MGAT4B: variants seen among roughly 807,000 people sequenced by gnomAD.
The protein encoded by MGAT4B is alpha-1,3-mannosyl-glycoprotein 4-beta-N-acetylglucosaminyltransferase B, also known as N-acetylglucosaminyltransferase IVb.
A neutral mutation model predicts 73.9 loss-of-function variants in MGAT4B; 38 were observed. That is an observed-to-expected ratio of 0.51 (90% CI 0.40 to 0.67). MGAT4B has a LOEUF of 0.67. Ranked by LOEUF, MGAT4B falls within the 30% of genes least tolerant of loss-of-function variation. MGAT4B has a pLI of 0.00. For synonymous variants in MGAT4B, 373 were observed against 313.5 expected (o/e 1.19, Z -2.01); for missense variants, 686 against 735.2 (o/e 0.93, Z 0.77).
rs1030823676 is a variant in MGAT4B, at chr5:179,800,787, G to A, written c.605+120C>T. 4.2e-6 allele frequency: 5 copies of A among 1,181,724 alleles called. No homozygotes were observed. In the Admixed American group the frequency reaches 1.1e-4, roughly 26 times the overall value. 73.2% of individuals were successfully genotyped at this position (1,181,724 alleles called of 1,614,324 possible). On this transcript the variant is annotated intron_variant, in intron 5 of 14. Transcript: ENST00000292591. ...CTGCACACCCACCCCTCCCCCACCAGGTCCCTGCCTCCCCACGAGATAGGA... is the reference window on the plus strand; with the variant it reads ...CTGCACACCCACCCCTCCCCCACCAAGTCCCTGCCTCCCCACGAGATAGGA...
Position 179,801,373 on chromosome 5 carries a change from C to G in MGAT4B, c.519G>C (p.Gln173His), listed in dbSNP as rs1756917888. Residue 173 changes from glutamine to histidine, a missense_variant, in exon 4 of 15, where the codon CAG becomes CAC. This residue lies in a region of MGAT4B where 449 missense variants were observed against 536.8 expected (regional missense o/e 0.84). Coordinates refer to ENST00000292591, the MANE Select transcript of MGAT4B (RefSeq NM_014275.5). This position sits in a 1 kb window ranked among gnomAD's most constrained non-coding sequence, Gnocchi z 4.8. ...CCACGATGACCGAGTCCTCCTTCTC[C>G]TGCGGGCTCAGCTCGGAGATGAGCG... ...LHSLISELSP[Q>H]EKEDSVIVVL... 1.2e-6 allele frequency: 2 copies of G among 1,612,726 alleles called. No homozygotes were observed. Among genetic ancestry groups the G allele is most frequent in the East Asian group, 4.5e-5 (2 of 44,850 alleles).
chr5:179,798,748 C>A, intron 11 of MGAT4B, 157 bp from the exon 12 acceptor site: 1 of 1,083,130 alleles, frequency 9.2e-7, no homozygotes, highest in Non-Finnish European at 1.3e-6. Context: ...AGGATGGTGA[C>A]AGGAAACATC....
intron 1 of MGAT4B, chr5:179,804,884 C>T (rs2450483): frequency 0.049 from 7,527 of 152,292 alleles, 629 homozygotes; most frequent in African/African-American, 0.17. Context: ...ACTGGGTCAC[C>T]ACAGAAACAG....
Position 179,798,956 on chromosome 5 carries a change from G to A in MGAT4B, c.1315C>T (p.Arg439Cys), listed in dbSNP as rs1756782077. 13 of 1,613,528 alleles carry A rather than the reference G, an allele frequency of 8.1e-6. No individual in the cohort carries two copies. The highest frequency in any genetic ancestry group is 1.1e-5 in the Non-Finnish European group (13 of 1,180,032). The change falls in exon 11 of 15, where the codon CGC (arginine) becomes TGC (cysteine). Residue 439 changes from arginine (R) to cysteine (C), a missense_variant. Around this residue, in one of 2 missense-constraint regions of MGAT4B, gnomAD observed 449 missense variants for 536.8 expected, o/e 0.84. Coordinates refer to ENST00000292591, the MANE Select transcript of MGAT4B (RefSeq NM_014275.5). ...TCCAGTCTTAGAGGTTGGAAGAAGCGGAAGCGGATGAAGTCCCCCGCGGCA... is the reference window on the plus strand; with the variant it reads ...TCCAGTCTTAGAGGTTGGAAGAAGCAGAAGCGGATGAAGTCCCCCGCGGCA... ...TPAAGDFIRF[R>C]FFQPLRLERF...
At position 179,806,534 on chromosome 5, in the gene MGAT4B, C is replaced by T; in HGVS notation, c.50G>A (p.Cys17Tyr). The change falls in exon 1 of 15, where the codon TGC (cysteine) becomes TAC (tyrosine). Residue 17 changes from cysteine (C) to tyrosine (Y), a missense_variant. Transcript: ENST00000292591. This position sits in a 1 kb window ranked among gnomAD's most constrained non-coding sequence, Gnocchi z 4.6. ...GTACCAGGACAGCGAGAGGAAGGCG[C>T]ACAGGCAGAAGAGCAGCAGCGTCAG... ...TFLTLLLFCL[C>Y]AFLSLSWYAA... 2.2e-6 allele frequency: 3 copies of T among 1,339,000 alleles called. No homozygotes were observed. The highest frequency in any genetic ancestry group is 4.3e-5 in the East Asian group (1 of 23,468). 82.9% of individuals were successfully genotyped at this position (1,339,000 alleles called of 1,614,324 possible).
chr5:179,806,485 A>T lies in MGAT4B; in HGVS notation c.97+2T>A. ...TGCGGGCCGGGCGGGGGTCGCGCTC[A>T]CCTTTCTGGCCGCTGAGTGCCGCGT... On this transcript the variant is annotated splice_donor_variant, in intron 1 of 14. Coordinates refer to ENST00000292591, the MANE Select transcript of MGAT4B (RefSeq NM_014275.5). LOFTEE classifies it high-confidence loss of function. The surrounding 1 kb of genome is among the most constrained non-coding windows in gnomAD (Gnocchi z 4.6). The T allele has an allele frequency of 7.7e-7, 1 of 1,290,982 alleles. No homozygotes were observed. The allele number at this position is 1,290,982 out of a possible 1,614,324, so 80.0% of individuals were successfully genotyped here.
In MGAT4B at chr5:179,806,524, G is replaced by A. The variant is rs1239857486; in HGVS notation, c.60C>T (p.Leu20=). ...TGAGTGCCGCGTACCAGGACAGCGAGAGGAAGGCGCACAGGCAGAAGAGCA... is the reference window on the plus strand; with the variant it reads ...TGAGTGCCGCGTACCAGGACAGCGAAAGGAAGGCGCACAGGCAGAAGAGCA... ...TLLLFCLCAF[L]SLSWYAALSG... is the part of the protein sequence containing the mutation. Residue 20 remains leucine (L), a synonymous_variant, in exon 1 of 15, where the codon CTC becomes CTT. Coordinates refer to ENST00000292591, the MANE Select transcript of MGAT4B (RefSeq NM_014275.5). The surrounding 1 kb of genome is among the most constrained non-coding windows in gnomAD (Gnocchi z 4.6). 1 of 1,340,142 alleles carries A rather than the reference G, an allele frequency of 7.5e-7. No homozygotes were observed. The highest frequency in any genetic ancestry group is 9.8e-7 in the Non-Finnish European group (1 of 1,020,578). The allele number at this position is 1,340,142 out of a possible 1,614,324, so 83.0% of individuals were successfully genotyped here.
In MGAT4B at chr5:179,801,310, A is replaced by C. The variant is rs749385424; in HGVS notation, c.558+24T>G. 34 of 1,596,402 alleles carry C rather than the reference A, an allele frequency of 2.1e-5. No individual in the cohort carries two copies. The highest frequency in any genetic ancestry group is 3.3e-4 in the Middle Eastern group (2 of 6,014). On this transcript the variant is annotated intron_variant, in intron 4 of 14. Transcript: ENST00000292591. This position sits in a 1 kb window ranked among gnomAD's most constrained non-coding sequence, Gnocchi z 4.8. ...GCGGGGGCTCCTCTGAATGTCCCCC[A>C]ACCCCGCGTCCCGGCTCACTCGCCT...
chr5:179,798,421 T>A lies in MGAT4B; in HGVS notation c.1436A>T (p.Asp479Val). 1 of 1,612,584 alleles carries A rather than the reference T, an allele frequency of 6.2e-7. No homozygotes were observed. Among genetic ancestry groups the A allele is most frequent in the Non-Finnish European group, 8.5e-7 (1 of 1,179,784 alleles). The change falls in exon 13 of 15, where the codon GAC (aspartate) becomes GTC (valine). Residue 479 changes from aspartate to valine, a missense_variant. Transcript: ENST00000292591. ...EVLPFDNPQS[D>V]KEALQEGRTA... ...GCGGCCCTCCTGCAGGGCCTCCTTG[T>A]CTGACTGAGGGTTCTGGGGGCAGAA... is the stretch of plus-strand genomic sequence containing the variant.
At position 179,806,578 on chromosome 5, in the gene MGAT4B, C is replaced by T; in HGVS notation, c.6G>A (p.Arg2=). The change falls in exon 1 of 15, where the codon AGG becomes AGA. Residue 2 remains arginine (R), a synonymous_variant. Coordinates refer to ENST00000292591, the MANE Select transcript of MGAT4B (RefSeq NM_014275.5). The surrounding 1 kb of genome is among the most constrained non-coding windows in gnomAD (Gnocchi z 4.6). The stretch of plus-strand genomic sequence containing the variant: ...GCGTCAGGAAGGTGCCATTGCGGAG[C>T]CTCATCTCCTCGGGTGCGCGGCGGG... M[R]LRNGTFLTLL... 1 of 1,279,350 alleles carries T rather than the reference C, an allele frequency of 7.8e-7. No individual in the cohort carries two copies. The highest frequency in any genetic ancestry group is 1.6e-5 in the South Asian group (1 of 64,170). 79.2% of individuals were successfully genotyped at this position (1,279,350 alleles called of 1,614,324 possible). A position where few individuals can be genotyped will look rare whatever the true frequency, so the allele number is the denominator to read the frequency against.
chr5:179,798,034 A>C lies in MGAT4B; in HGVS notation c.*11T>G, dbSNP rs1198991024. 2 of 1,606,452 alleles carry C rather than the reference A, an allele frequency of 1.2e-6. No homozygotes were observed. The highest frequency in any genetic ancestry group is 2.2e-5 in the South Asian group (2 of 89,818). On this transcript the variant is annotated 3_prime_UTR_variant, in exon 15 of 15. Coordinates refer to ENST00000292591, the MANE Select transcript of MGAT4B (RefSeq NM_014275.5). ...AGGGCTGGCCACAGGGTACCCTCAG[A>C]AGCCCGCAGCTTAGTCGGCCTTTTT...
Position 179,801,139 on chromosome 5 carries a change from TA to T in MGAT4B, c.559-187del, listed in dbSNP as rs2113431420. ...CTTTGGGACTCGCATGGCCAAGGAC[TA>T]GGGGGTGGCGGGGGCGATGGGTAGG... On this transcript the variant is annotated intron_variant, in intron 4 of 14. Coordinates refer to ENST00000292591, the MANE Select transcript of MGAT4B (RefSeq NM_014275.5). This position sits in a 1 kb window ranked among gnomAD's most constrained non-coding sequence, Gnocchi z 4.8. 8.8e-7 allele frequency: 1 copy of T among 1,139,300 alleles called. No individual in the cohort carries two copies. Among genetic ancestry groups the T allele is most frequent in the Non-Finnish European group, 1.2e-6 (1 of 814,990 alleles). 70.6% of individuals were successfully genotyped at this position (1,139,300 alleles called of 1,614,324 possible). A position where few individuals can be genotyped will look rare whatever the true frequency, so the allele number is the denominator to read the frequency against.
Position 179,799,611 on chromosome 5 carries a change from C to T in MGAT4B, c.936G>A (p.Leu312=). The T allele has an allele frequency of 6.2e-7, 1 of 1,613,848 alleles. No individual in the cohort carries two copies. The highest frequency in any genetic ancestry group is 8.5e-7 in the Non-Finnish European group (1 of 1,180,034). ...TGAGAATGAACTCTACAATCAGGCTCAGGTCCAGCGACTTGAACATCTTAC... is the reference window on the plus strand; with the variant it reads ...TGAGAATGAACTCTACAATCAGGCTTAGGTCCAGCGACTTGAACATCTTAC... The part of the protein sequence containing the change: ...FIGKMFKSLD[L]SLIVEFILMF... Residue 312 remains leucine, a synonymous_variant, in exon 9 of 15, where the codon CTG becomes CTA. Transcript: ENST00000292591.
chr5:179,798,505 G>T lies in MGAT4B; in HGVS notation c.1422+8C>A, dbSNP rs771494011. The T allele has an allele frequency of 1.2e-6, 2 of 1,613,458 alleles. No homozygotes were observed. The highest frequency in any genetic ancestry group is 1.7e-6 in the Non-Finnish European group (2 of 1,180,000). On this transcript the variant is annotated splice_region_variant and intron_variant, in intron 12 of 14. Coordinates refer to ENST00000292591, the MANE Select transcript of MGAT4B (RefSeq NM_014275.5). The stretch of plus-strand genomic sequence containing the variant: ...GGCTTCAGTGCACACCACACCCACC[G>T]AACTTACGTCGAAGGGCAGCACCTC...
intron 1 of MGAT4B, chr5:179,802,549 T>C: frequency 2.0e-6 from 2 of 1,000,172 alleles, no homozygotes; most frequent in Non-Finnish European, 2.4e-6. Flanking sequence ...GCCCTGGGGC[T>C]GCTCAAGGAC....
chr5:179,801,179 A>G lies in MGAT4B; in HGVS notation c.558+155T>C, dbSNP rs1177816091. Among the ~76,000 whole-genome samples the G allele has an allele frequency of 1.3e-5, 2 of 152,104 alleles. No homozygotes were observed. Among genetic ancestry groups the G allele is most frequent in the Non-Finnish European group, 2.9e-5 (2 of 68,002 alleles). ...GCGATGGGTAGGGGTAGAGGGTGCC[A>G]GAAAGCCCTTTCAACTTTCTATCTC... On this transcript the variant is annotated intron_variant, in intron 4 of 14. Transcript: ENST00000292591. The surrounding 1 kb of genome is among the most constrained non-coding windows in gnomAD (Gnocchi z 4.8).
rs1398911326 is a variant in MGAT4B, at chr5:179,798,057, T to C, written c.1635A>G (p.Lys545=). 3 of 1,609,570 alleles carry C rather than the reference T, an allele frequency of 1.9e-6. No individual in the cohort carries two copies. Among genetic ancestry groups the C allele is most frequent in the Non-Finnish European group, 1.7e-6 (2 of 1,178,594 alleles). ...AGAAGCCCGCAGCTTAGTCGGCCTT[T>C]TTCAGGAAGATCTGGAAGAGCCGGA... ...VWVILSEIFL[K]KAD The change falls in exon 15 of 15, where the codon AAA becomes AAG. Residue 545 remains lysine, a synonymous_variant. Transcript: ENST00000292591.
In MGAT4B at chr5:179,798,409, A is replaced by C. The variant is rs544679540; in HGVS notation, c.1448T>G (p.Leu483Arg). ...FDNPQSDKEA[L>R]QEGRTATLRY... ...GAGGGTGGCGGTGCGGCCCTCCTGC[A>C]GGGCCTCCTTGTCTGACTGAGGGTT... is the stretch of plus-strand genomic sequence containing the variant. Residue 483 changes from leucine (L) to arginine (R), a missense_variant, in exon 13 of 15, where the codon CTG (leucine) becomes CGG (arginine). Coordinates refer to ENST00000292591, the MANE Select transcript of MGAT4B (RefSeq NM_014275.5). 8.1e-5 allele frequency: 130 copies of C among 1,612,622 alleles called. 3 individuals are homozygous for C. The South Asian group carries it at 1.4e-3, about 17-fold the overall frequency.
Position 179,801,381 on chromosome 5 carries a change from T to C in MGAT4B, c.511A>G (p.Ser171Gly). The change falls in exon 4 of 15, where the codon AGC becomes GGC. Residue 171 changes from serine to glycine, a missense_variant. Ser to Gly is a moderately conservative substitution (Grantham distance 56). This residue lies in a region of MGAT4B where 449 missense variants were observed against 536.8 expected (regional missense o/e 0.84). Transcript: ENST00000292591. This position sits in a 1 kb window ranked among gnomAD's most constrained non-coding sequence, Gnocchi z 4.8. ...DTLHSLISEL[S>G]PQEKEDSVIV... ...ACCGAGTCCTCCTTCTCCTGCGGGC[T>C]CAGCTCGGAGATGAGCGAGTGCAGA... 3 of 1,612,704 alleles carry C rather than the reference T, an allele frequency of 1.9e-6. No individual in the cohort carries two copies. The Admixed American group carries it at 5.0e-5, about 27-fold the overall frequency.
Sources: gnomAD v4.1 joint callset for allele counts (sites outside exome capture counted in the v4.1 genomes callset) on GRCh38, gnomAD v4.1.1 for gene constraint, gnomAD v4.1.1 regional missense constraint, Gnocchi (gnomAD v3.1) non-coding constraint, MANE v1.5 for transcripts, NCBI Gene and HGNC (gene_info 2026-07-23, HGNC 2026-07-21) for gene names.